PFKFB3: variants seen among roughly 807,000 people sequenced by gnomAD.
PFKFB3 encodes the protein 6-phosphofructo-2-kinase/fructose-2,6-biphosphatase 3.
A neutral mutation model predicts 68.0 loss-of-function variants in PFKFB3; 33 were observed. That is an observed-to-expected ratio of 0.49 (90% CI 0.37 to 0.65). The LOEUF is 0.65. PFKFB3 is among the 30% of genes least tolerant of loss of function. PFKFB3 has a pLI of 0.00. For synonymous variants in PFKFB3, 315 were observed against 288.2 expected (o/e 1.09, Z -0.94); for missense variants, 586 against 712.2 (o/e 0.82, Z 2.02).
In PFKFB3 at chr10:6,153,302, C is replaced by T. The variant is rs80325819; in HGVS notation, c.16+8289C>T. On this transcript the variant is annotated intron_variant, in intron 1 of 14. Transcript: ENST00000379789. ...TTTATGATGCAACTGAAGTCACTTCCATAAGCTCTTCGGTCCTTTCAGCAG... is the reference window on the plus strand; with the variant it reads ...TTTATGATGCAACTGAAGTCACTTCTATAAGCTCTTCGGTCCTTTCAGCAG... Among the ~76,000 whole-genome samples the T allele has an allele frequency of 3.8e-3, 573 of 152,350 alleles. 4 individuals are homozygous for T. Among genetic ancestry groups the T allele is most frequent in the Middle Eastern group, 0.01 (3 of 294 alleles).
downstream of PFKFB3, among the ~76,000 whole-genome samples, chr10:6,235,887 C>G (rs182370887): frequency 1.3e-3 from 202 of 151,844 alleles, no homozygotes; most frequent in African/African-American, 4.4e-3. Context: ...GTGCCTTAGC[C>G]TCCCTAGTAG....
At chr10:6,213,599 C>T (rs892271399) in intron 1 of PFKFB3, 24 bp from the exon 2 acceptor site, 2 of 1,605,288 alleles carry the variant, frequency 1.2e-6, no homozygotes, top group Non-Finnish European at 1.7e-6. Context: ...GTTGATGACA[C>T]ACCCTTCTTG....
chr10:6,305,258 A>G, the PFKFB3 span, among the ~76,000 whole-genome samples: 1 of 145,782 alleles, frequency 6.9e-6, no homozygotes, highest in Non-Finnish European at 1.5e-5. Context: ...TCCTGAGCTC[A>G]AGCTATCCTC....
chr10:6,217,954 G>C (rs72777876), intron 6 of PFKFB3, among the ~76,000 whole-genome samples: 3,828 of 152,348 alleles, frequency 0.025, 71 homozygotes, highest in Middle Eastern at 0.048. Context: ...CACCTTTAGA[G>C]GGGATGCTAA....
At chr10:6,161,768 G>A (rs1416444198) in intron 1 of PFKFB3, among the ~76,000 whole-genome samples, 6 of 152,162 alleles carry the variant, frequency 3.9e-5, no homozygotes, top group Admixed American at 3.9e-4. Context: ...GAGTGGGTGG[G>A]ATTACAGGAG....
At chr10:6,238,410 C>T (rs377515459), downstream of PFKFB3, among the ~76,000 whole-genome samples, 35 of 148,106 alleles carry the variant, frequency 2.4e-4, no homozygotes, top group Non-Finnish European at 4.7e-4. Flanking sequence ...GGTGATCTAC[C>T]TGCCTTGGCC....
chr10:6,167,067 G>T (rs568493361), intron 1 of PFKFB3, among the ~76,000 whole-genome samples: 15 of 152,230 alleles, frequency 9.9e-5, no homozygotes, highest in Non-Finnish European at 2.1e-4. Flanking sequence ...TGATGGGCCC[G>T]CCTCGGCCTC....
chr10:6,162,985 G>A (rs780023107), intron 1 of PFKFB3, among the ~76,000 whole-genome samples: 1 of 152,136 alleles, frequency 6.6e-6, no homozygotes, highest in East Asian at 1.9e-4. Flanking sequence ...AAATTCAAAC[G>A]GATCAGTTAT....
Position 6,220,799 on chromosome 10 carries a change from C to G in PFKFB3, c.765C>G (p.Gly255=). The change falls in exon 8 of 15, where the codon GGC becomes GGG. Residue 255 remains glycine (G), a synonymous_variant. Transcript: ENST00000379775. The surrounding 1 kb of genome is among the most constrained non-coding windows in gnomAD (Gnocchi z 4.1). ...GTACCATCTACCTGTGCCGGCACGG[C>G]GAGAACGAGCACAACCTCCAGGGCC... ...QPRTIYLCRH[G]ENEHNLQGRI... 1 of 1,613,900 alleles carries G rather than the reference C, an allele frequency of 6.2e-7. No individual in the cohort carries two copies. Among genetic ancestry groups the G allele is most frequent in the Middle Eastern group, 1.6e-4 (1 of 6,062 alleles).
At chr10:6,303,812 A>AG in the PFKFB3 span, among the ~76,000 whole-genome samples, 2 of 151,806 alleles carry the variant, frequency 1.3e-5, no homozygotes, top group Non-Finnish European at 2.9e-5. Flanking sequence ...AAAAAAAAAA[A>AG]AAAGAAAATG....
chr10:6,299,023 T>C, the PFKFB3 span, among the ~76,000 whole-genome samples: 1 of 152,222 alleles, frequency 6.6e-6, no homozygotes, highest in Non-Finnish European at 1.5e-5. Context: ...TCGGATGTAA[T>C]GAAAGCACTC....
At chr10:6,236,094 A>G (rs984449050), downstream of PFKFB3, among the ~76,000 whole-genome samples, 4 of 151,880 alleles carry the variant, frequency 2.6e-5, no homozygotes, top group Non-Finnish European at 4.4e-5. Context: ...CCTTCATTCT[A>G]TACCCCTTCC....
Position 6,215,103 on chromosome 10 carries a change from C to A in PFKFB3, c.203-118C>A. ...CGCCGGCATTGCTTCCACACCATCT[C>A]ATTCAAGTCGGTGTGGTTGGCCTGG... On this transcript the variant is annotated intron_variant, in intron 2 of 14. Transcript: ENST00000379775. This position sits in a 1 kb window ranked among gnomAD's most constrained non-coding sequence, Gnocchi z 4.3. 1 of 771,812 alleles carries A rather than the reference C, an allele frequency of 1.3e-6. No individual in the cohort carries two copies. The highest frequency in any genetic ancestry group is 1.6e-5 in the South Asian group (1 of 64,010). 47.8% of individuals were successfully genotyped at this position (771,812 alleles called of 1,614,324 possible).
chr10:6,207,146 C>A (rs554660509), intron 1 of PFKFB3, among the ~76,000 whole-genome samples: 33 of 152,272 alleles, frequency 2.2e-4, no homozygotes, highest in African/African-American at 5.5e-4. Flanking sequence ...AGCCTGGGCA[C>A]CATTGAGCAC....
the PFKFB3 span, among the ~76,000 whole-genome samples, chr10:6,297,538 G>T: frequency 6.6e-6 from 1 of 152,072 alleles, no homozygotes; most frequent in African/African-American, 2.4e-5. Flanking sequence ...TGTGGTCGTG[G>T]CACAGGTAGG....
At chr10:6,159,382 G>A (rs912674245) in intron 1 of PFKFB3, among the ~76,000 whole-genome samples, 3 of 151,064 alleles carry the variant, frequency 2.0e-5, no homozygotes, top group Non-Finnish European at 4.4e-5. Context: ...GTAACAGAGC[G>A]AGACTCTGTC....
At chr10:6,218,048 G>A (rs1368164490) in intron 6 of PFKFB3, among the ~76,000 whole-genome samples, 1 of 152,190 alleles carries the variant, frequency 6.6e-6, no homozygotes, top group African/African-American at 2.4e-5. Flanking sequence ...TTTCAGGAAG[G>A]GCTATTTGAA....
Position 6,229,975 on chromosome 10 carries a change from G to T in PFKFB3, c.1516-2920G>T, listed in dbSNP as rs1218142397. Among the ~76,000 whole-genome samples, 2 of 152,060 alleles carry T rather than the reference G, an allele frequency of 1.3e-5. No homozygotes were observed. The highest frequency in any genetic ancestry group is 2.9e-5 in the Non-Finnish European group (2 of 67,998). On this transcript the variant is annotated intron_variant, in intron 14 of 14. Transcript: ENST00000379775. This position sits in a 1 kb window ranked among gnomAD's most constrained non-coding sequence, Gnocchi z 4.3. ...CTGCTGTGTGGCCCGCCTCTCAGTG[G>T]GCTATGGACTGGGTACTGGTCCACA...
the PFKFB3 span, among the ~76,000 whole-genome samples, chr10:6,278,315 T>C: frequency 6.7e-6 from 1 of 150,304 alleles, no homozygotes; most frequent in East Asian, 2.0e-4. Flanking sequence ...GGAGTCTTGC[T>C]GCCAGGCTGG....
Sources: allele counts gnomAD v4.1 joint callset (sites outside exome capture counted in the v4.1 genomes callset), GRCh38; gene constraint gnomAD v4.1.1; non-coding constraint Gnocchi (gnomAD v3.1); transcripts MANE v1.5; gene names NCBI Gene and HGNC (gene_info 2026-07-23, HGNC 2026-07-21).